The following NRXN3 variants were observed in gnomAD, a reference collection of about 807,000 sequenced individuals.
NRXN3 encodes the protein neurexin III.
NRXN3 carries 32 observed loss-of-function variants against 137.6 expected under a neutral mutation model. The ratio of observed to expected loss-of-function variants is 0.23; its 90% CI spans 0.18 to 0.31. The LOEUF is 0.31. Among genes scored for constraint, NRXN3 ranks in the 10% least tolerant of loss-of-function variants. The pLI, the probability that NRXN3 is intolerant of heterozygous loss-of-function variation, is 1.00. For missense variants in NRXN3, 1,574 were observed against 2,062.5 expected, an observed-to-expected ratio of 0.76 and a Z score of 4.59; for synonymous variants, 798 against 784.5, an observed-to-expected ratio of 1.02 and a Z score of -0.29.
intron 16 of NRXN3, among the ~76,000 whole-genome samples, chr14:79,504,984 G>A (rs779961658): frequency 1.3e-5 from 2 of 152,102 alleles, no homozygotes; most frequent in African/African-American, 4.8e-5. Flanking sequence ...GGAGGCCCAG[G>A]TGGGCAGATC....
chr14:79,778,000 T>C (rs1020747192), intron 19 of NRXN3, among the ~76,000 whole-genome samples: 2 of 152,138 alleles, frequency 1.3e-5, no homozygotes, highest in Non-Finnish European at 2.9e-5. Flanking sequence ...CTATGCACTG[T>C]AACTTCTCTA....
At chr14:79,278,503 T>C (rs1202245049) in intron 15 of NRXN3, among the ~76,000 whole-genome samples, 1 of 152,208 alleles carries the variant, frequency 6.6e-6, no homozygotes, top group African/African-American at 2.4e-5. Context: ...GTGCTGTCTT[T>C]GATGCCCAGC....
chr14:78,564,625 A>C (rs1433960981), intron 4 of NRXN3, among the ~76,000 whole-genome samples: 1 of 152,164 alleles, frequency 6.6e-6, no homozygotes, highest in Non-Finnish European at 1.5e-5. Context: ...TCTTGGAATC[A>C]AGTCCTTGGC....
At chr14:78,691,413 A>T (rs1340003223) in intron 6 of NRXN3, among the ~76,000 whole-genome samples, 1 of 152,184 alleles carries the variant, frequency 6.6e-6, no homozygotes, top group Non-Finnish European at 1.5e-5. Context: ...CCAGTGATAG[A>T]AGCCAAAGAA....
intron 15 of NRXN3, among the ~76,000 whole-genome samples, chr14:79,153,620 C>T (rs766911619): frequency 6.6e-5 from 10 of 151,976 alleles, no homozygotes; most frequent in Non-Finnish European, 1.3e-4. Context: ...CTGCTCACCA[C>T]TGAGTCTTCT....
At chr14:79,131,249 G>T (rs1011742471) in intron 15 of NRXN3, among the ~76,000 whole-genome samples, 5 of 152,114 alleles carry the variant, frequency 3.3e-5, no homozygotes, top group African/African-American at 1.2e-4. Flanking sequence ...AGGAGGAGAG[G>T]TGCTCTGCTT....
chr14:78,346,904 T>C (rs1452162525), intron 4 of NRXN3, among the ~76,000 whole-genome samples: 1 of 152,146 alleles, frequency 6.6e-6, no homozygotes, highest in Non-Finnish European at 1.5e-5. Flanking sequence ...AAAGCAGTCA[T>C]GTTTTTACGT....
intron 4 of NRXN3, among the ~76,000 whole-genome samples, chr14:78,623,934 A>G (rs2097430040): frequency 6.6e-6 from 1 of 152,168 alleles, no homozygotes; most frequent in South Asian, 2.1e-4. Context: ...AGTAGATACC[A>G]TTTTCTATAG....
chr14:79,490,350 A>C (rs544654223), intron 16 of NRXN3, among the ~76,000 whole-genome samples: 1 of 152,330 alleles, frequency 6.6e-6, no homozygotes, highest in South Asian at 2.1e-4. Flanking sequence ...TATATCAAAG[A>C]GATATCTGCA....
At chr14:79,154,387 CAAGA>C (rs1459798016) in intron 15 of NRXN3, among the ~76,000 whole-genome samples, 1 of 151,926 alleles carries the variant, frequency 6.6e-6, no homozygotes. Context: ...TCACTGACTA[CAAGA>C]AAGAGTGATT....
intron 3 of NRXN3, among the ~76,000 whole-genome samples, chr14:78,280,705 C>CTG (rs2074291704): frequency 6.6e-6 from 1 of 152,104 alleles, no homozygotes; most frequent in East Asian, 1.9e-4. Context: ...TTCTAGTGCT[C>CTG]ACACAGGCGC....
At chr14:78,906,678 A>C (rs2099217858) in intron 10 of NRXN3, among the ~76,000 whole-genome samples, 1 of 151,924 alleles carries the variant, frequency 6.6e-6, no homozygotes, top group Non-Finnish European at 1.5e-5. Context: ...TGCCGCACAA[A>C]GGGTGGAAAT....
chr14:78,770,858 G>A (rs200374432), intron 8 of NRXN3, among the ~76,000 whole-genome samples: 7 of 152,020 alleles, frequency 4.6e-5, no homozygotes, highest in Non-Finnish European at 7.4e-5. Flanking sequence ...GTTGGGGGGG[G>A]TACAGCTAAA....
intron 16 of NRXN3, among the ~76,000 whole-genome samples, chr14:79,504,636 G>GA (rs2096855058): frequency 8.3e-5 from 7 of 84,790 alleles, no homozygotes; most frequent in African/African-American, 2.8e-4. Context: ...ATAAAATGAA[G>GA]TTTTTTATAT....
intron 17 of NRXN3, among the ~76,000 whole-genome samples, chr14:79,673,694 T>C (rs149005750): frequency 9.7e-4 from 148 of 152,228 alleles, no homozygotes; most frequent in African/African-American, 3.4e-3. Context: ...GAATTCATAC[T>C]AGGTGATGGG....
chr14:78,754,326 C>T (rs753495714), intron 8 of NRXN3, among the ~76,000 whole-genome samples: 8 of 152,118 alleles, frequency 5.3e-5, no homozygotes, highest in Non-Finnish European at 1.0e-4. Flanking sequence ...TTTCTTTGTT[C>T]AGCCCCAGTC....
At chr14:78,853,334 T>C (rs2099048208) in intron 10 of NRXN3, among the ~76,000 whole-genome samples, 1 of 152,140 alleles carries the variant, frequency 6.6e-6, no homozygotes, top group African/African-American at 2.4e-5. Flanking sequence ...TTTTTGTCCT[T>C]GTGATAGTTT....
At chr14:79,031,819 C>A (rs970884834) in intron 15 of NRXN3, among the ~76,000 whole-genome samples, 6 of 152,050 alleles carry the variant, frequency 3.9e-5, no homozygotes, top group African/African-American at 1.4e-4. Flanking sequence ...TTCATTGGAC[C>A]ATATGTAAAT....
At chr14:79,242,101 A>G (rs1416589245) in intron 15 of NRXN3, among the ~76,000 whole-genome samples, 2 of 152,052 alleles carry the variant, frequency 1.3e-5, no homozygotes, top group Non-Finnish European at 2.9e-5. Context: ...AAACAACCCT[A>G]TCAGGTAAAT....
Sources: allele counts gnomAD v4.1 joint callset (sites outside exome capture counted in the v4.1 genomes callset), GRCh38; gene constraint gnomAD v4.1.1; transcripts MANE v1.5; gene names NCBI Gene and HGNC (gene_info 2026-07-23, HGNC 2026-07-21).